TMEM156: variants seen among roughly 807,000 people sequenced by gnomAD.
TMEM156 encodes transmembrane protein 156.
TMEM156 carries 28 observed loss-of-function variants against 30.5 expected under a neutral mutation model. The observed-to-expected ratio is 0.92, with a 90% CI of 0.68 to 1.26. TMEM156 has a LOEUF of 1.26. Ranked by LOEUF, TMEM156 falls within the 50% of genes most tolerant of loss-of-function variation. The pLI is 0.00. For missense variants in TMEM156, 351 were observed against 340.6 expected (o/e 1.03, Z -0.24); for synonymous variants, 137 against 119.9 (o/e 1.14, Z -0.93).
At chr4:38,998,217 A>G (rs746953934) in intron 2 of TMEM156, among the ~76,000 whole-genome samples, 23 of 152,184 alleles carry the variant, frequency 1.5e-4, no homozygotes, top group Non-Finnish European at 3.2e-4. Flanking sequence ...CAAGAGCCAC[A>G]TCATTGAATG....
chr4:39,030,871 A>C (rs1490790201), intron 1 of TMEM156, among the ~76,000 whole-genome samples: 3 of 152,250 alleles, frequency 2.0e-5, no homozygotes, highest in African/African-American at 7.2e-5. Flanking sequence ...ATTTTCACCC[A>C]GTGGAATCAA....
At chr4:38,981,815 A>T (rs1469638243) in intron 5 of TMEM156, among the ~76,000 whole-genome samples, 1 of 152,168 alleles carries the variant, frequency 6.6e-6, no homozygotes, top group African/African-American at 2.4e-5. Context: ...AATCTCCTTA[A>T]CTATGTTGGA....
At chr4:39,031,905 A>AAAAAAAAAAAAAAAAAAAAAAAAAAAAAC in intron 1 of TMEM156, among the ~76,000 whole-genome samples, 1 of 129,252 alleles carries the variant, frequency 7.7e-6, no homozygotes, top group African/African-American at 2.9e-5. Flanking sequence ...AAATAAAAAA[A>AAAAAAAAAAAAAAAAAAAAAAAAAAAAAC]TAAAAAAAAA....
intron 2 of TMEM156, among the ~76,000 whole-genome samples, chr4:38,995,544 G>A (rs961560760): frequency 2.0e-5 from 3 of 152,076 alleles, no homozygotes; most frequent in Non-Finnish European, 2.9e-5. Flanking sequence ...ATGAAACCCC[G>A]TCTCTACTAA....
At chr4:38,995,222 A>G (rs11724100) in intron 2 of TMEM156, among the ~76,000 whole-genome samples, 56,095 of 152,014 alleles carry the variant, frequency 0.37, 10,805 homozygotes, top group East Asian at 0.65. Flanking sequence ...TAATGACCTC[A>G]TCTTAACTAC....
At chr4:39,019,207 A>C (rs557833627) in intron 1 of TMEM156, among the ~76,000 whole-genome samples, 3 of 151,956 alleles carry the variant, frequency 2.0e-5, no homozygotes, top group Admixed American at 2.0e-4. Flanking sequence ...TATTTCTTCT[A>C]TCCTTTGCAG....
chr4:38,996,222 A>G (rs1034372622), intron 2 of TMEM156, among the ~76,000 whole-genome samples: 24 of 151,390 alleles, frequency 1.6e-4, no homozygotes, highest in African/African-American at 5.8e-4. Flanking sequence ...CAAAACTACA[A>G]TCAGAAACAC....
At chr4:38,983,696 G>A (rs1041735936) in intron 5 of TMEM156, among the ~76,000 whole-genome samples, 4 of 152,142 alleles carry the variant, frequency 2.6e-5, no homozygotes, top group Admixed American at 6.5e-5. Context: ...CACCACACTC[G>A]GCCTAGAGTT....
intron 5 of TMEM156, among the ~76,000 whole-genome samples, chr4:38,977,640 A>G (rs1432831111): frequency 6.6e-6 from 1 of 152,262 alleles, no homozygotes; most frequent in African/African-American, 2.4e-5. Flanking sequence ...AAGGCAGTAG[A>G]AACAGTCAGA....
At chr4:39,028,979 A>G (rs559765584) in intron 1 of TMEM156, among the ~76,000 whole-genome samples, 83 of 152,346 alleles carry the variant, frequency 5.4e-4, no homozygotes, top group African/African-American at 1.9e-3. Context: ...GTAAAGTTAG[A>G]CTAAATAGCT....
intron 3 of TMEM156, among the ~76,000 whole-genome samples, chr4:38,989,922 C>A (rs1205348071): frequency 1.3e-5 from 2 of 152,142 alleles, no homozygotes; most frequent in Admixed American, 1.3e-4. Context: ...GCCTCAGCCT[C>A]CGAGGGGATT....
rs140856148 is a variant in TMEM156 at position 38,975,223 on chromosome 4, T to C, written c.824-4086A>G. On this transcript the variant is annotated intron_variant, in intron 5 of 6. Transcript: ENST00000381938. ...GGCCCACAGCACTCATCTCCTGCTC[T>C]CCTCCACACACATCCATTGCATTTG... Among the ~76,000 whole-genome samples, 550 of 152,196 alleles carry C rather than the reference T, an allele frequency of 3.6e-3. 2 individuals carry two copies. Among genetic ancestry groups the C allele is most frequent in the African/African-American group, 0.013 (523 of 41,522 alleles).
intron 5 of TMEM156, among the ~76,000 whole-genome samples, chr4:38,972,329 C>G (rs1469359489): frequency 2.1e-5 from 3 of 142,006 alleles, no homozygotes; most frequent in African/African-American, 8.0e-5. Flanking sequence ...TCTCAGCTCA[C>G]TGCAACCTCC....
intron 1 of TMEM156, among the ~76,000 whole-genome samples, chr4:39,010,006 C>T (rs1361304541): frequency 6.6e-6 from 1 of 152,064 alleles, no homozygotes; most frequent in Non-Finnish European, 1.5e-5. Flanking sequence ...CTAAAAATTC[C>T]GTGAAAAGAC....
intron 6 of TMEM156, 61 bp downstream of exon 6, chr4:38,970,971 G>T: frequency 1.8e-6 from 2 of 1,112,974 alleles, no homozygotes; most frequent in Non-Finnish European, 2.7e-6. Flanking sequence ...GATCAACTGT[G>T]CATCCTTGAA....
At chr4:39,017,834 A>G (rs990094335) in intron 1 of TMEM156, among the ~76,000 whole-genome samples, 1 of 152,058 alleles carries the variant, frequency 6.6e-6, no homozygotes, top group African/African-American at 2.4e-5. Flanking sequence ...TTCAGTTACT[A>G]TTTGTTCCGT....
At chr4:38,980,890 C>T (rs1329293754) in intron 5 of TMEM156, 2 of 979,644 alleles carry the variant, frequency 2.0e-6, no homozygotes, top group African/African-American at 1.8e-5. Context: ...ACCATCAATT[C>T]TTCCAGGCCT....
chr4:38,998,824 C>T lies in TMEM156; in HGVS notation c.174G>A (p.Val58=), dbSNP rs771619623. The part of the protein sequence containing the change: ...YSLSSLNFSF[V]TFLQPVRETQ... ...TTTCCCTTACTGGTTGCAGAAAAGT[C>T]ACAAAAGAAAAATTTAAGGAGGAGA... Residue 58 remains valine (V), a synonymous_variant, in exon 2 of 7, where the codon GTG becomes GTA. Transcript: ENST00000381938. The T allele has an allele frequency of 1.2e-6, 2 of 1,613,672 alleles. No individual in the cohort carries two copies. The highest frequency in any genetic ancestry group is 1.7e-6 in the Non-Finnish European group (2 of 1,179,884).
At chr4:39,023,210 G>A (rs1714983022) in intron 1 of TMEM156, among the ~76,000 whole-genome samples, 3 of 152,168 alleles carry the variant, frequency 2.0e-5, no homozygotes, top group Admixed American at 6.5e-5. Flanking sequence ...AACCATGCTG[G>A]CATACTGGTC....
Sources: gnomAD v4.1 joint callset for allele counts (sites outside exome capture counted in the v4.1 genomes callset) on GRCh38, gnomAD v4.1.1 for gene constraint, MANE v1.5 for transcripts, NCBI Gene and HGNC (gene_info 2026-07-23, HGNC 2026-07-21) for gene names.